DPPA4: variants seen among roughly 807,000 people sequenced by gnomAD.
DPPA4 encodes developmental pluripotency-associated protein 4.
A neutral mutation model predicts 33.7 loss-of-function variants in DPPA4; 22 were observed. The ratio of observed to expected loss-of-function variants is 0.65; its 90% confidence interval spans 0.47 to 0.93. DPPA4 has a LOEUF of 0.93. DPPA4 is among the 40% of genes least tolerant of loss of function. The pLI, the probability that DPPA4 is intolerant of heterozygous loss-of-function variation, is 0.00. For synonymous variants in DPPA4, 156 were observed against 132.3 expected (o/e 1.18, Z -1.23); for missense variants, 340 against 358.6 (o/e 0.95, Z 0.42).
At chr3:109,328,837 A>T in intron 6 of DPPA4, 53 bp downstream of exon 6, 1 of 1,511,216 alleles carries the variant, frequency 6.6e-7, no homozygotes, top group Non-Finnish European at 9.0e-7. Context: ...AACTTTCTGC[A>T]ATTGAAAATC....
chr3:109,336,832 C>CCA (rs1708225138), intron 1 of DPPA4, among the ~76,000 whole-genome samples: 1 of 152,172 alleles, frequency 6.6e-6, no homozygotes, highest in Non-Finnish European at 1.5e-5. Flanking sequence ...AGTGATGGTG[C>CCA]CACTGCACTC....
rs1472911684 is a variant in DPPA4 at position 109,333,935 on chromosome 3, G to T, written c.113C>A (p.Ser38Ter). The change falls in exon 2 of 7, where the codon TCA becomes TAA. Residue 38 changes from serine to a stop codon, truncating the protein, a stop_gained. Coordinates refer to ENST00000335658, the MANE Select transcript of DPPA4 (RefSeq NM_018189.4). LOFTEE classifies it high-confidence loss of function. Reference protein sequence around the residue: ...EDQQASNQPNSIALPGTSAKR... With the variant: ...EDQQASNQPN ...TGCTGATGTTCCTGGCAAAGCAATTGAATTTGGTTGATTAGAAGCCTGCTG... is the reference window on the plus strand; with the variant it reads ...TGCTGATGTTCCTGGCAAAGCAATTTAATTTGGTTGATTAGAAGCCTGCTG... 1.2e-6 allele frequency: 2 copies of T among 1,614,092 alleles called. No individual in the cohort carries two copies. The highest frequency in any genetic ancestry group is 3.3e-5 in the Admixed American group (2 of 60,010).
At chr3:109,331,622 A>C in intron 4 of DPPA4, 112 bp downstream of exon 4, 2 of 758,904 alleles carry the variant, frequency 2.6e-6, no homozygotes, top group Non-Finnish European at 4.3e-6. Context: ...GTTCTTTCTT[A>C]GAACTAGGGG....
chr3:109,331,685 A>G (rs757215134), intron 4 of DPPA4, 49 bp downstream of exon 4: 2 of 1,580,930 alleles, frequency 1.3e-6, no homozygotes, highest in Non-Finnish European at 1.7e-6. Context: ...TTGAGGCTAC[A>G]ATAGGTAATT....
chr3:109,328,468 G>A (rs1034729552), intron 6 of DPPA4, among the ~76,000 whole-genome samples: 3 of 152,118 alleles, frequency 2.0e-5, no homozygotes, highest in Non-Finnish European at 2.9e-5. Flanking sequence ...AGAAATTACC[G>A]ATCTCTCCTT....
At position 109,337,177 on chromosome 3, in the gene DPPA4, G is replaced by A. The variant is rs1363802450; in HGVS notation, c.54+287C>T. ...GGCTGCCCAAAGTGCTGGGATTACAGGCGTGAGCCACCGCGCCCGGCCTCT... is the reference window on the plus strand; with the variant it reads ...GGCTGCCCAAAGTGCTGGGATTACAAGCGTGAGCCACCGCGCCCGGCCTCT... On this transcript the variant is annotated intron_variant, in intron 1 of 6. Coordinates refer to ENST00000335658, the MANE Select transcript of DPPA4 (RefSeq NM_018189.4). 2.6e-5 allele frequency among the ~76,000 whole-genome samples: 4 copies of A among 151,286 alleles called. No individual in the cohort carries two copies. In the East Asian group the frequency reaches 7.8e-4, roughly 29 times the overall value.
chr3:109,339,524 G>A (rs1413020830), upstream of DPPA4, among the ~76,000 whole-genome samples: 2 of 152,040 alleles, frequency 1.3e-5, no homozygotes, highest in African/African-American at 2.4e-5. Context: ...AGCACTTTGG[G>A]AGGCAGGAGA....
chr3:109,331,281 A>AAAAG (rs1708068226), intron 4 of DPPA4, among the ~76,000 whole-genome samples: 1 of 145,644 alleles, frequency 6.9e-6, no homozygotes, highest in Non-Finnish European at 1.5e-5. Context: ...AAAAAAAAAA[A>AAAAG]AAAGAAAGAA....
intron 5 of DPPA4, chr3:109,330,300 CAAAAAAAAAA>C (rs71129042): frequency 9.2e-5 from 32 of 348,966 alleles, no homozygotes; most frequent in African/African-American, 5.5e-4. Context: ...GAAACTGTCT[CAAAAAAAAAA>C]AAAAAAAAAA....
At chr3:109,337,192 G>A (rs566874265) in intron 1 of DPPA4, among the ~76,000 whole-genome samples, 1 of 149,194 alleles carries the variant, frequency 6.7e-6, no homozygotes, top group African/African-American at 2.5e-5. Flanking sequence ...GAGCCACCGC[G>A]CCCGGCCTCT....
chr3:109,333,792 G>A (rs1708135803), intron 2 of DPPA4, 78 bp downstream of exon 2: 2 of 1,533,374 alleles, frequency 1.3e-6, no homozygotes, highest in Middle Eastern at 1.7e-4. Context: ...TTTCTTCCCT[G>A]GTTTTTCTTC....
upstream of DPPA4, chr3:109,337,686 G>A (rs1232374982): frequency 4.7e-6 from 3 of 635,330 alleles, no homozygotes; most frequent in East Asian, 8.2e-5. Context: ...TTATTCATGG[G>A]GTGACTTTTG....
chr3:109,332,099 AAT>A, intron 2 of DPPA4, 68 bp from the exon 3 acceptor site: 1 of 1,408,800 alleles, frequency 7.1e-7, no homozygotes, highest in Admixed American at 2.2e-5. Context: ...TCAAAAGTAA[AAT>A]CACTTTTTTT....
At chr3:109,337,127 C>T (rs1331843491) in intron 1 of DPPA4, among the ~76,000 whole-genome samples, 4 of 151,632 alleles carry the variant, frequency 2.6e-5, no homozygotes, top group African/African-American at 9.7e-5. Flanking sequence ...CTCGAACTCC[C>T]GACCTCAGGT....
chr3:109,338,604 A>C (rs529799778), upstream of DPPA4, among the ~76,000 whole-genome samples: 14 of 152,198 alleles, frequency 9.2e-5, no homozygotes, highest in South Asian at 2.7e-3. Flanking sequence ...TCTTTATCCA[A>C]ATGGTGTTAG....
chr3:109,338,855 C>T (rs1344557915), upstream of DPPA4, among the ~76,000 whole-genome samples: 1 of 151,230 alleles, frequency 6.6e-6, no homozygotes, highest in Non-Finnish European at 1.5e-5. Flanking sequence ...ATAACTGAAT[C>T]ATCTTTCTTT....
chr3:109,336,669 C>A (rs1316347132), intron 1 of DPPA4, among the ~76,000 whole-genome samples: 1 of 152,150 alleles, frequency 6.6e-6, no homozygotes, highest in African/African-American at 2.4e-5. Context: ...TTCCCTCTAG[C>A]CCCCATATTC....
chr3:109,334,456 A>C (rs556448051), intron 1 of DPPA4, among the ~76,000 whole-genome samples: 1 of 151,904 alleles, frequency 6.6e-6, no homozygotes, highest in Admixed American at 6.6e-5. Flanking sequence ...CTGAGATAGG[A>C]GGATTGCTTG....
upstream of DPPA4, among the ~76,000 whole-genome samples, chr3:109,338,699 A>G (rs1470077441): frequency 6.6e-6 from 1 of 152,208 alleles, no homozygotes; most frequent in African/African-American, 2.4e-5. Context: ...CAGGTTGTGG[A>G]CTGGGCAACC....
Sources: gnomAD v4.1 joint callset for allele counts (sites outside exome capture counted in the v4.1 genomes callset) on GRCh38, gnomAD v4.1.1 for gene constraint, MANE v1.5 for transcripts, NCBI Gene and HGNC (gene_info 2026-07-23, HGNC 2026-07-21) for gene names.